CDH20: variants seen among roughly 807,000 people sequenced by gnomAD.
The protein encoded by CDH20 is cadherin-20.
In CDH20, 29 loss-of-function variants were observed where a neutral mutation model predicts 74.2. The observed-to-expected ratio is 0.39, with a 90% CI of 0.29 to 0.53. The LOEUF (loss-of-function observed/expected upper bound fraction) is 0.53. Ranked by LOEUF, CDH20 falls within the 20% of genes least tolerant of loss-of-function variation. CDH20 has a pLI of 0.69. For synonymous variants in CDH20, 469 were observed against 405.4 expected, an observed-to-expected ratio of 1.16 and a Z score of -1.88; for missense variants, 988 against 1,048.3, an observed-to-expected ratio of 0.94 and a Z score of 0.79.
chr18:61,440,918 G>A (rs949292317), intron 1 of CDH20, among the ~76,000 whole-genome samples: 1 of 152,290 alleles, frequency 6.6e-6, no homozygotes, highest in Non-Finnish European at 1.5e-5. Context: ...CCTCTTGATG[G>A]ATGGAGCTGC....
At chr18:61,374,378 A>C (rs80208418) in intron 1 of CDH20, among the ~76,000 whole-genome samples, 4,285 of 152,178 alleles carry the variant, frequency 0.028, 195 homozygotes, top group African/African-American at 0.1. Context: ...TTTTCCATCT[A>C]AAAACAAAAA....
chr18:61,460,554 T>A (rs1267980440), intron 1 of CDH20, among the ~76,000 whole-genome samples: 1 of 151,996 alleles, frequency 6.6e-6, no homozygotes, highest in Non-Finnish European at 1.5e-5. Flanking sequence ...GCTAATCACA[T>A]CTCAGAATTG....
intron 10 of CDH20, among the ~76,000 whole-genome samples, chr18:61,548,471 G>A (rs1475102752): frequency 6.6e-6 from 1 of 152,188 alleles, no homozygotes; most frequent in Non-Finnish European, 1.5e-5. Context: ...GTGAGATACT[G>A]CATGCAAAGT....
At chr18:61,514,403 A>G (rs1213194402) in intron 6 of CDH20, among the ~76,000 whole-genome samples, 1 of 152,126 alleles carries the variant, frequency 6.6e-6, no homozygotes, top group Non-Finnish European at 1.5e-5. Context: ...ACATTCTTCT[A>G]AATTTTTTTC....
Position 61,391,479 on chromosome 18 carries a change from A to G in CDH20, c.-153+57652A>G, listed in dbSNP as rs186378066. ...CAATTTGCAGAGTCATTTGTAATTG[A>G]AAAAAAGTCCATCGGTAGGAGATTA... On this transcript the variant is annotated intron_variant, in intron 1 of 11. Transcript: ENST00000262717. The G allele has an allele frequency of 3.3e-5, 5 of 152,312 alleles. No individual in the cohort carries two copies. The East Asian group carries it at 7.7e-4, about 23-fold the overall frequency. 9.4% of individuals were successfully genotyped at this position (152,312 alleles called of 1,614,324 possible). A position where few individuals can be genotyped will look rare whatever the true frequency, so the allele number is the denominator to read the frequency against.
intron 1 of CDH20, among the ~76,000 whole-genome samples, chr18:61,424,199 T>A (rs1281807981): frequency 1.3e-5 from 2 of 152,254 alleles, no homozygotes; most frequent in African/African-American, 4.8e-5. Flanking sequence ...CCTCAAACAT[T>A]TATGACTTTT....
intron 1 of CDH20, among the ~76,000 whole-genome samples, chr18:61,450,594 T>G (rs1213564450): frequency 6.6e-6 from 1 of 152,038 alleles, no homozygotes; most frequent in East Asian, 1.9e-4. Context: ...AGGTAATGCA[T>G]GTTCACTATA....
In CDH20 at chr18:61,545,071, T is replaced by C. The variant is rs888050214; in HGVS notation, c.1575T>C (p.Asn525=). 1 of 1,613,964 alleles carries C rather than the reference T, an allele frequency of 6.2e-7. No individual in the cohort carries two copies. Among genetic ancestry groups the C allele is most frequent in the South Asian group, 1.1e-5 (1 of 91,080 alleles). ...CGGTGGACCAAGATGACCCACGCAA[T>C]GGTCAGCATTTCTACTACAGCTTGG... The part of the protein sequence containing the change: ...VSAVDQDDPR[N]GQHFYYSLAP... The change falls in exon 10 of 12, where the codon AAT becomes AAC. Residue 525 remains asparagine, a synonymous_variant. Transcript: ENST00000262717.
At chr18:61,364,433 C>T (rs949604932) in intron 1 of CDH20, among the ~76,000 whole-genome samples, 1 of 152,186 alleles carries the variant, frequency 6.6e-6, no homozygotes, top group South Asian at 2.1e-4. Context: ...CTGCCTTAGC[C>T]TCCCTAGTAG....
At chr18:61,547,399 C>T (rs1385591654) in intron 10 of CDH20, among the ~76,000 whole-genome samples, 1 of 152,158 alleles carries the variant, frequency 6.6e-6, no homozygotes, top group African/African-American at 2.4e-5. Flanking sequence ...TGTTCCTGTG[C>T]CTGAAACATG....
At chr18:61,364,309 T>C (rs918556158) in intron 1 of CDH20, among the ~76,000 whole-genome samples, 1 of 151,754 alleles carries the variant, frequency 6.6e-6, no homozygotes, top group Non-Finnish European at 1.5e-5. Flanking sequence ...GAGGTGTGTT[T>C]GTTTGTTTGT....
At chr18:61,465,618 C>T (rs533969683) in intron 1 of CDH20, among the ~76,000 whole-genome samples, 3 of 149,460 alleles carry the variant, frequency 2.0e-5, no homozygotes, top group East Asian at 1.9e-4. Flanking sequence ...AAAAGAACTA[C>T]GTGGGTTGGA....
intron 1 of CDH20, among the ~76,000 whole-genome samples, chr18:61,419,046 C>T (rs1912792074): frequency 6.6e-6 from 1 of 152,076 alleles, no homozygotes; most frequent in African/African-American, 2.4e-5. Context: ...ATGTATATAA[C>T]ATAATTATGA....
chr18:61,481,689 A>G (rs1910594278), intron 1 of CDH20, among the ~76,000 whole-genome samples: 1 of 152,102 alleles, frequency 6.6e-6, no homozygotes, highest in Admixed American at 6.6e-5. Context: ...GCCCATACAC[A>G]TTAGTATCAT....
At chr18:61,378,109 T>A (rs2144173042) in intron 1 of CDH20, among the ~76,000 whole-genome samples, 1 of 152,314 alleles carries the variant, frequency 6.6e-6, no homozygotes, top group South Asian at 2.1e-4. Flanking sequence ...AACAGATTGC[T>A]CACTATTGGC....
chr18:61,464,258 C>CA (rs574631299), intron 1 of CDH20, among the ~76,000 whole-genome samples: 2 of 150,810 alleles, frequency 1.3e-5, no homozygotes, highest in South Asian at 2.1e-4. Context: ...TTCTAACTTT[C>CA]AAAAAAAATC....
At chr18:61,549,739 T>G (rs930454299) in intron 10 of CDH20, 99 of 426,972 alleles carry the variant, frequency 2.3e-4, no homozygotes, top group Non-Finnish European at 3.3e-4. Context: ...TAAGACAGAC[T>G]CAAAAAAAAA....
intron 1 of CDH20, among the ~76,000 whole-genome samples, chr18:61,466,634 G>A (rs1219453991): frequency 6.6e-6 from 1 of 152,204 alleles, no homozygotes; most frequent in Non-Finnish European, 1.5e-5. Context: ...CTTGAGGCCA[G>A]CTTCCCATGA....
At chr18:61,462,728 G>T (rs1014219304) in intron 1 of CDH20, among the ~76,000 whole-genome samples, 9 of 145,224 alleles carry the variant, frequency 6.2e-5, no homozygotes, top group Admixed American at 2.1e-4. Flanking sequence ...AAAAAAAGGG[G>T]GGGGGGGCAT....
Sources: allele counts gnomAD v4.1 joint callset (sites outside exome capture counted in the v4.1 genomes callset), GRCh38; gene constraint gnomAD v4.1.1; transcripts MANE v1.5; gene names NCBI Gene and HGNC (gene_info 2026-07-23, HGNC 2026-07-21).